PCDH15: variants seen among roughly 807,000 people sequenced by gnomAD.
PCDH15 encodes protocadherin related 15.
In PCDH15, 129 loss-of-function variants were observed where a neutral mutation model predicts 178.5. That is an observed-to-expected ratio of 0.72 (90% CI 0.63 to 0.84). The LOEUF is 0.84. PCDH15 is among the 40% of genes least tolerant of loss of function. The pLI, the probability that PCDH15 is intolerant of heterozygous loss-of-function variation, is 0.00. For missense variants in PCDH15, 2,230 were observed against 2,099.9 expected (o/e 1.06, Z -1.21); for synonymous variants, 800 against 732.0 (o/e 1.09, Z -1.50).
intron 20 of PCDH15, among the ~76,000 whole-genome samples, chr10:54,003,485 A>G (rs1385568708): frequency 6.6e-6 from 1 of 152,090 alleles, no homozygotes; most frequent in Non-Finnish European, 1.5e-5. Flanking sequence ...GAACAAACAT[A>G]TGTCAATAAA....
At chr10:55,354,361 T>A (rs1845019431) in intron 2 of PCDH15, among the ~76,000 whole-genome samples, 1 of 152,118 alleles carries the variant, frequency 6.6e-6, no homozygotes, top group East Asian at 1.9e-4. Context: ...GAATTCCGAA[T>A]TAAATAGGGC....
At chr10:55,525,208 T>C (rs1210151011) in intron 2 of PCDH15, among the ~76,000 whole-genome samples, 1 of 151,868 alleles carries the variant, frequency 6.6e-6, no homozygotes, top group Non-Finnish European at 1.5e-5. Flanking sequence ...GATTTCAGTA[T>C]TGTGAATTTT....
chr10:55,438,992 G>A (rs996360982), intron 2 of PCDH15, among the ~76,000 whole-genome samples: 77 of 151,870 alleles, frequency 5.1e-4, no homozygotes, highest in Non-Finnish European at 8.1e-4. Flanking sequence ...TCCGCCTCCC[G>A]GGTTCACATC....
intron 3 of PCDH15, among the ~76,000 whole-genome samples, chr10:54,846,664 A>G (rs1953524323): frequency 6.6e-6 from 1 of 151,956 alleles, no homozygotes; most frequent in South Asian, 2.1e-4. Context: ...AATTGCGAGG[A>G]AAGGAGAGCT....
At chr10:54,858,892 T>C (rs1295446069) in intron 3 of PCDH15, among the ~76,000 whole-genome samples, 3 of 152,202 alleles carry the variant, frequency 2.0e-5, no homozygotes, top group Admixed American at 6.6e-5. Flanking sequence ...GAATTTTATA[T>C]ACACTGAATA....
intron 2 of PCDH15, among the ~76,000 whole-genome samples, chr10:55,358,707 T>C (rs1057495864): frequency 2.6e-5 from 4 of 152,116 alleles, no homozygotes; most frequent in Non-Finnish European, 4.4e-5. Flanking sequence ...TAATGACTAA[T>C]CTTTGCACAT....
chr10:55,263,389 T>C (rs1447135741), intron 1 of PCDH15, among the ~76,000 whole-genome samples: 1 of 152,184 alleles, frequency 6.6e-6, no homozygotes, highest in East Asian at 1.9e-4. Flanking sequence ...AGACCACCTA[T>C]GCCTAGAGGT....
chr10:54,906,412 T>G (rs2131830201), intron 2 of PCDH15, among the ~76,000 whole-genome samples: 1 of 152,232 alleles, frequency 6.6e-6, no homozygotes, highest in African/African-American at 2.4e-5. Context: ...TGTTAATAAT[T>G]TTACCAAGCT....
chr10:54,355,061 A>T (rs1291547612), intron 5 of PCDH15, among the ~76,000 whole-genome samples: 2 of 146,688 alleles, frequency 1.4e-5, no homozygotes, highest in Admixed American at 1.4e-4. Flanking sequence ...GTGTGGAGAA[A>T]CTCTTGGTTT....
intron 2 of PCDH15, among the ~76,000 whole-genome samples, chr10:54,543,772 G>C (rs563055826): frequency 6.6e-6 from 1 of 152,122 alleles, no homozygotes; most frequent in East Asian, 1.9e-4. Context: ...ATTCTAACCC[G>C]AGACAGTTTT....
At chr10:54,419,235 T>TACAC (rs1954886365) in intron 3 of PCDH15, among the ~76,000 whole-genome samples, 1 of 89,436 alleles carries the variant, frequency 1.1e-5, no homozygotes, top group Non-Finnish European at 2.3e-5. Flanking sequence ...TACATATACA[T>TACAC]ATATACATAC....
At chr10:54,851,955 C>T (rs1953629443) in intron 3 of PCDH15, among the ~76,000 whole-genome samples, 1 of 152,150 alleles carries the variant, frequency 6.6e-6, no homozygotes, top group Non-Finnish European at 1.5e-5. Context: ...GTAAATTGGC[C>T]ACTTTTTGAA....
chr10:53,990,976 A>G (rs2091434758), intron 21 of PCDH15, among the ~76,000 whole-genome samples: 1 of 152,074 alleles, frequency 6.6e-6, no homozygotes, highest in Admixed American at 6.5e-5. Context: ...CAGAGGGTGC[A>G]CTGAGTCCCC....
Position 53,995,696 on chromosome 10 carries a change from T to G in PCDH15, c.2821A>C (p.Lys941Gln). The part of the protein sequence containing the change: ...YKGMVAPDAV[K>Q]GTPITTVYAE... ...TAAACTGTTGTGATAGGTGTACCCTTGACTGCATCCGGAGCCACCATCCCT... is the reference window on the plus strand; with the variant it reads ...TAAACTGTTGTGATAGGTGTACCCTGGACTGCATCCGGAGCCACCATCCCT... The change falls in exon 21 of 38, where the codon AAG (lysine) becomes CAG (glutamine). Residue 941 changes from lysine to glutamine, a missense_variant. Lys to Gln is a moderately conservative substitution (Grantham distance 53). Coordinates refer to ENST00000644397, the MANE Select transcript of PCDH15 (RefSeq NM_001384140.1). 1 of 1,613,952 alleles carries G rather than the reference T, an allele frequency of 6.2e-7. No individual in the cohort carries two copies. Among genetic ancestry groups the G allele is most frequent in the Non-Finnish European group, 8.5e-7 (1 of 1,179,840 alleles).
At chr10:55,312,028 A>G (rs906923643) in intron 1 of PCDH15, among the ~76,000 whole-genome samples, 1 of 152,180 alleles carries the variant, frequency 6.6e-6, no homozygotes, top group African/African-American at 2.4e-5. Context: ...CACTCTATTA[A>G]AAGAGGTTGT....
At chr10:54,715,803 C>T (rs2095473443) in intron 1 of PCDH15, among the ~76,000 whole-genome samples, 1 of 152,062 alleles carries the variant, frequency 6.6e-6, no homozygotes, top group African/African-American at 2.4e-5. Context: ...CATGCAAAGA[C>T]CTTATTACAG....
intron 15 of PCDH15, among the ~76,000 whole-genome samples, chr10:54,113,207 G>C (rs2095056355): frequency 6.6e-6 from 1 of 152,106 alleles, no homozygotes; most frequent in African/African-American, 2.4e-5. Context: ...ATAGGCATTT[G>C]TATAATAGTG....
chr10:54,858,367 A>G (rs916449527), intron 3 of PCDH15, among the ~76,000 whole-genome samples: 1 of 152,180 alleles, frequency 6.6e-6, no homozygotes, highest in Non-Finnish European at 1.5e-5. Flanking sequence ...TGCTGCAATG[A>G]ACATGGTTGC....
chr10:54,532,413 T>C (rs2084018956), intron 2 of PCDH15, among the ~76,000 whole-genome samples: 1 of 152,168 alleles, frequency 6.6e-6, no homozygotes, highest in Non-Finnish European at 1.5e-5. Flanking sequence ...ATCCCTTGAC[T>C]AGGTAAGGTT....
Sources: allele counts gnomAD v4.1 joint callset (sites outside exome capture counted in the v4.1 genomes callset), GRCh38; gene constraint gnomAD v4.1.1; transcripts MANE v1.5; gene names NCBI Gene and HGNC (gene_info 2026-07-23, HGNC 2026-07-21).